Variants in USP42 observed in about 807,000 individuals in gnomAD.
The protein encoded by USP42 is ubiquitin carboxyl-terminal hydrolase 42.
A neutral mutation model predicts 113.0 loss-of-function variants in USP42; 23 were observed. The ratio of observed to expected loss-of-function variants is 0.20; its 90% CI spans 0.15 to 0.29. The LOEUF (loss-of-function observed/expected upper bound fraction) is 0.29. Ranked by LOEUF, USP42 falls within the 10% of genes least tolerant of loss-of-function variation. The pLI is 1.00. For synonymous variants in USP42, 933 were observed against 699.0 expected, an observed-to-expected ratio of 1.33 and a Z score of -5.28; for missense variants, 2,174 against 1,779.8, an observed-to-expected ratio of 1.22 and a Z score of -3.99.
chr7:6,088,673 C>T, the USP42 span: 1 of 151,364 alleles, frequency 6.6e-6, no homozygotes, highest in Admixed American at 6.6e-5. Flanking sequence ...CGATCTTTCA[C>T]CATTAGAATC....
intron 2 of USP42, among the ~76,000 whole-genome samples, chr7:6,114,678 AT>A (rs869283400): frequency 1.6e-4 from 3 of 18,872 alleles, no homozygotes; most frequent in Admixed American, 1.1e-3. Context: ...ATATATATAT[AT>A]TTTTTTTTTT....
At chr7:6,102,804 C>T (rs965609905), upstream of USP42, among the ~76,000 whole-genome samples, 1 of 150,914 alleles carries the variant, frequency 6.6e-6, no homozygotes, top group South Asian at 2.1e-4. Context: ...GGAATTTAGA[C>T]TTTGCTGTGA....
the USP42 span, among the ~76,000 whole-genome samples, chr7:6,091,384 G>A: frequency 2.0e-5 from 3 of 150,112 alleles, no homozygotes; most frequent in Non-Finnish European, 1.5e-5. Flanking sequence ...GCATCATCAT[G>A]CCCACCTAAT....
Position 6,154,587 on chromosome 7 carries a change from C to T in USP42, c.3033C>T (p.Arg1011=), listed in dbSNP as rs763879767. The T allele has an allele frequency of 7.6e-6, 12 of 1,569,798 alleles. No individual in the cohort carries two copies. The Admixed American group carries it at 1.7e-4, about 22-fold the overall frequency. The change falls in exon 15 of 18, where the codon CGC becomes CGT. Residue 1011 remains arginine, a synonymous_variant. Transcript: ENST00000306177. ...GCGACAGGCTCAGCCCTGGCGAGCG[C>T]CGCTCTCTGGGCAGGTGCAGTCACC... The part of the protein sequence containing the change: ...GHGDRLSPGE[R]RSLGRCSHHH...
At chr7:6,110,447 G>A (rs1180024378) in intron 1 of USP42, among the ~76,000 whole-genome samples, 6 of 152,152 alleles carry the variant, frequency 3.9e-5, no homozygotes, top group Non-Finnish European at 8.8e-5. Context: ...ATAGGACTCA[G>A]AAAGAAAATT....
At chr7:6,147,265 T>C (rs889128693) in intron 11 of USP42, among the ~76,000 whole-genome samples, 7 of 152,162 alleles carry the variant, frequency 4.6e-5, no homozygotes, top group Non-Finnish European at 7.4e-5. Flanking sequence ...TAGAAAAATA[T>C]AAGCCTGGGC....
chr7:6,151,948 C>T (rs187861015), intron 14 of USP42, among the ~76,000 whole-genome samples: 3 of 151,684 alleles, frequency 2.0e-5, no homozygotes, highest in African/African-American at 7.3e-5. Flanking sequence ...TGTTGTTGAC[C>T]GTATGTATGA....
chr7:6,140,272 CCTA>C, intron 6 of USP42, 77 bp downstream of exon 6: 1 of 1,346,636 alleles, frequency 7.4e-7, no homozygotes, highest in Admixed American at 1.9e-5. Context: ...CAGGGTTAGT[CCTA>C]CTAGGAAGGA....
chr7:6,132,683 G>GT (rs1780916189), intron 3 of USP42, among the ~76,000 whole-genome samples: 1 of 147,842 alleles, frequency 6.8e-6, no homozygotes, highest in Non-Finnish European at 1.5e-5. Context: ...TTGTTTGTTT[G>GT]TTTTTTGAGA....
the USP42 span, among the ~76,000 whole-genome samples, chr7:6,090,129 C>T: frequency 2.7e-5 from 4 of 147,536 alleles, no homozygotes; most frequent in South Asian, 2.1e-4. Context: ...GAGAAACCCC[C>T]GCCTCTACTA....
chr7:6,114,656 G>GTATATATATATA lies in USP42; in HGVS notation c.242-655_242-644dup, dbSNP rs71008362. On this transcript the variant is annotated intron_variant, in intron 2 of 17. Coordinates refer to ENST00000306177, the MANE Select transcript of USP42 (RefSeq NM_032172.3). ...TGTGTGTATATATGTATGTGTGTGT[G>GTATATATATATA]TATATATATATATATATATATATTT... is the stretch of plus-strand genomic sequence containing the variant. Among the ~76,000 whole-genome samples the GTATATATATATA allele has an allele frequency of 1.9e-3, 117 of 60,520 alleles. 4 individuals carry two copies. Among genetic ancestry groups the GTATATATATATA allele is most frequent in the East Asian group, 7.8e-3 (9 of 1,152 alleles). The allele number at this position is 60,520 out of a possible 152,430, so 39.7% of individuals were successfully genotyped here.
intron 3 of USP42, among the ~76,000 whole-genome samples, chr7:6,120,386 G>A (rs1434630415): frequency 6.6e-6 from 1 of 152,032 alleles, no homozygotes; most frequent in African/African-American, 2.4e-5. Context: ...GGGATTACAG[G>A]CACGCACCAT....
At chr7:6,146,824 T>C (rs546637649) in intron 11 of USP42, among the ~76,000 whole-genome samples, 1 of 152,290 alleles carries the variant, frequency 6.6e-6, no homozygotes, top group African/African-American at 2.4e-5. Flanking sequence ...GGGCTTCTGC[T>C]GCGGGCAGTA....
chr7:6,121,644 T>C (rs971673886), intron 3 of USP42, among the ~76,000 whole-genome samples: 7 of 152,100 alleles, frequency 4.6e-5, no homozygotes, highest in African/African-American at 1.7e-4. Context: ...CATGGGCAGG[T>C]TTTAAACTAC....
At chr7:6,120,350 C>G (rs1009882779) in intron 3 of USP42, among the ~76,000 whole-genome samples, 10 of 152,314 alleles carry the variant, frequency 6.6e-5, no homozygotes, top group African/African-American at 1.9e-4. Flanking sequence ...TTAAGTGATT[C>G]TCCTGCCTCA....
At chr7:6,153,549 G>T (rs1332126516) in intron 14 of USP42, among the ~76,000 whole-genome samples, 1 of 152,106 alleles carries the variant, frequency 6.6e-6, no homozygotes, top group Non-Finnish European at 1.5e-5. Context: ...CGAGTTAATG[G>T]GTGCAGCACA....
chr7:6,135,844 A>T lies in USP42; in HGVS notation c.446A>T (p.His149Leu). The T allele has an allele frequency of 2.5e-6, 4 of 1,593,980 alleles. No homozygotes were observed. Among genetic ancestry groups the T allele is most frequent in the Non-Finnish European group, 3.4e-6 (4 of 1,171,552 alleles). ...AGGATTATCATCTATCTTTCAGGTC[A>T]TGCAGAAGGCTTTTGTATGATGTGT... ...MLSHEHSKTCHAEGFCMMCTM... is the reference protein window; with the variant it reads ...MLSHEHSKTCLAEGFCMMCTM... The change falls in exon 4 of 18, where the codon CAT becomes CTT. Residue 149 changes from histidine to leucine, a missense_variant. By Grantham distance (99) the His-to-Leu change is moderately conservative. Transcript: ENST00000306177.
At chr7:6,097,386 C>CTT in the USP42 span, among the ~76,000 whole-genome samples, 6,240 of 108,360 alleles carry the variant, frequency 0.058, 384 homozygotes, top group South Asian at 0.077. Context: ...CCTGTGGGTC[C>CTT]TTTTTTTTTT....
At chr7:6,117,513 A>G (rs2128482790) in intron 3 of USP42, among the ~76,000 whole-genome samples, 1 of 152,334 alleles carries the variant, frequency 6.6e-6, no homozygotes, top group South Asian at 2.1e-4. Context: ...ACATTAGCAA[A>G]CAAGCCTTTG....
Sources: allele counts gnomAD v4.1 joint callset (sites outside exome capture counted in the v4.1 genomes callset), GRCh38; gene constraint gnomAD v4.1.1; transcripts MANE v1.5; gene names NCBI Gene and HGNC (gene_info 2026-07-23, HGNC 2026-07-21).